DNMBP: variants seen among roughly 807,000 people sequenced by gnomAD.
DNMBP encodes dynamin-binding protein.
A neutral mutation model predicts 150.0 loss-of-function variants in DNMBP; 87 were observed. The ratio of observed to expected loss-of-function variants is 0.58; its 90% CI spans 0.49 to 0.69. The LOEUF is 0.69. Ranked by LOEUF, DNMBP falls within the 30% of genes least tolerant of loss-of-function variation. The pLI is 0.00. For synonymous variants in DNMBP, 711 were observed against 750.4 expected, an observed-to-expected ratio of 0.95 and a Z score of 0.86; for missense variants, 1,774 against 1,949.0, an observed-to-expected ratio of 0.91 and a Z score of 1.69.
intron 1 of DNMBP, among the ~76,000 whole-genome samples, chr10:99,993,603 A>G (rs1283850001): frequency 6.6e-6 from 1 of 152,144 alleles, no homozygotes; most frequent in Non-Finnish European, 1.5e-5. Context: ...GGAGTTCAAG[A>G]CCAGTCTGGG....
chr10:99,886,732 C>T, intron 12 of DNMBP, 100 bp from the exon 13 acceptor site: 1 of 1,132,962 alleles, frequency 8.8e-7, no homozygotes, highest in Non-Finnish European at 1.3e-6. Flanking sequence ...TCCTGAACCA[C>T]CTACTTCGTT....
chr10:99,911,069 C>T (rs994808587), intron 4 of DNMBP, among the ~76,000 whole-genome samples: 11 of 151,922 alleles, frequency 7.2e-5, no homozygotes, highest in African/African-American at 2.7e-4. Flanking sequence ...TGAAACCTCA[C>T]CTCTACAAAA....
At position 99,956,221 on chromosome 10, in the gene DNMBP, A is replaced by C. The variant is rs775272587; in HGVS notation, c.1253T>G (p.Val418Gly). ...TTTCTGCAAGTTGGGATGAAAAGGG[A>C]CCTGAGGTTGGGAGGAAATACCATT... ...VVNGISSQPQ[V>G]PFHPNLQKSQ... The change falls in exon 4 of 17, where the codon GTC (valine) becomes GGC (glycine). Residue 418 changes from valine (V) to glycine (G), a missense_variant. This residue lies in a region of DNMBP where 1,430 missense variants were observed against 1,492.5 expected (regional missense o/e 0.96). Transcript: ENST00000324109. The C allele has an allele frequency of 3.6e-5, 58 of 1,613,468 alleles. No homozygotes were observed. Among genetic ancestry groups the C allele is most frequent in the Non-Finnish European group, 4.7e-5 (55 of 1,179,960 alleles).
Position 99,970,349 on chromosome 10 carries a change from A to C in DNMBP, c.146-1112T>G, listed in dbSNP as rs114784463. 6.7e-3 allele frequency among the ~76,000 whole-genome samples: 1,013 copies of C among 152,280 alleles called. 11 individuals are homozygous for C. The highest frequency in any genetic ancestry group is 0.023 in the African/African-American group (969 of 41,558). ...TGCATGTGGTGTGGGAAAAGCTTCC[A>C]CCCTTCCCTAGGCTTATTAATGAAA... On this transcript the variant is annotated intron_variant, in intron 2 of 16. Transcript: ENST00000324109.
chr10:99,931,119 T>C (rs991760488), intron 4 of DNMBP: 1 of 196,336 alleles, frequency 5.1e-6, no homozygotes, highest in Non-Finnish European at 1.0e-5. Flanking sequence ...CCAAAGGTTT[T>C]GCAGGAAAAG....
intron 14 of DNMBP, 139 bp from the exon 15 acceptor site, chr10:99,884,348 G>A: frequency 1.3e-6 from 1 of 748,246 alleles, no homozygotes; most frequent in South Asian, 2.0e-5. Flanking sequence ...AGATGTTTTT[G>A]TGATGAAGCC....
intron 13 of DNMBP, 117 bp downstream of exon 13, chr10:99,886,183 C>T (rs544505090): frequency 1.3e-5 from 11 of 848,768 alleles, no homozygotes; most frequent in Admixed American, 2.8e-5. Flanking sequence ...GATGAACTAG[C>T]GACACATTCA....
chr10:100,000,118 T>G (rs1417949363), intron 1 of DNMBP, among the ~76,000 whole-genome samples: 1 of 152,240 alleles, frequency 6.6e-6, no homozygotes, highest in Non-Finnish European at 1.5e-5. Flanking sequence ...AAGGCATAAC[T>G]GTTCATCGTA....
chr10:99,966,050 C>T (rs906580305), intron 3 of DNMBP, among the ~76,000 whole-genome samples: 1 of 152,144 alleles, frequency 6.6e-6, no homozygotes, highest in African/African-American at 2.4e-5. Flanking sequence ...TGACTTGTCA[C>T]GTATACAAAA....
In DNMBP at chr10:99,955,761, A is replaced by G. The variant is rs752197359; in HGVS notation, c.1713T>C (p.Asp571=). 3 of 1,614,096 alleles carry G rather than the reference A, an allele frequency of 1.9e-6. No homozygotes were observed. The highest frequency in any genetic ancestry group is 1.7e-6 in the Non-Finnish European group (2 of 1,180,036). Residue 571 remains aspartate (D), a synonymous_variant, in exon 4 of 17, where the codon GAT becomes GAC. Transcript: ENST00000324109. ...TGATTGAAAAGTGGCGTAAAATTTT[A>G]TCTGGCTCTGTGCCGGGCCCTGCCA... ...KSLAGPGTEP[D]KILRHFSIMD...
At chr10:100,008,584 C>A (rs1480529096) in intron 1 of DNMBP, among the ~76,000 whole-genome samples, 3 of 152,302 alleles carry the variant, frequency 2.0e-5, no homozygotes, top group African/African-American at 7.2e-5. Context: ...ATTCGCTATG[C>A]CCCATTATGC....
At chr10:99,960,525 G>C (rs1257375904) in intron 3 of DNMBP, among the ~76,000 whole-genome samples, 1 of 152,122 alleles carries the variant, frequency 6.6e-6, no homozygotes, top group Non-Finnish European at 1.5e-5. Context: ...AAAAAATTAG[G>C]CCAGGTGCGG....
intron 15 of DNMBP, 129 bp from the exon 16 acceptor site, chr10:99,880,490 A>G: frequency 1.6e-6 from 2 of 1,282,104 alleles, no homozygotes; most frequent in East Asian, 5.1e-5. Context: ...CAAAAACTCA[A>G]AAGCCAGGCC....
intron 1 of DNMBP, among the ~76,000 whole-genome samples, chr10:99,978,381 A>T (rs1428457616): frequency 6.6e-6 from 1 of 152,218 alleles, no homozygotes; most frequent in East Asian, 1.9e-4. Flanking sequence ...CCTAGATTCT[A>T]GCATTAACAT....
chr10:99,977,544 C>T (rs1288055459), intron 1 of DNMBP, among the ~76,000 whole-genome samples: 1 of 152,126 alleles, frequency 6.6e-6, no homozygotes, highest in African/African-American at 2.4e-5. Flanking sequence ...TGCTGGTGAA[C>T]GCCTATCTTT....
At chr10:100,007,950 G>A (rs1285571262) in intron 1 of DNMBP, among the ~76,000 whole-genome samples, 1 of 152,236 alleles carries the variant, frequency 6.6e-6, no homozygotes, top group African/African-American at 2.4e-5. Context: ...GAAGTATTCT[G>A]AATGAATTCT....
At chr10:99,943,815 CG>C (rs1419346642) in intron 4 of DNMBP, among the ~76,000 whole-genome samples, 3 of 152,210 alleles carry the variant, frequency 2.0e-5, no homozygotes, top group African/African-American at 7.2e-5. Context: ...TAGAATATTA[CG>C]TATCACTTTA....
At chr10:99,914,688 A>G (rs2039941605) in intron 4 of DNMBP, among the ~76,000 whole-genome samples, 1 of 152,186 alleles carries the variant, frequency 6.6e-6, no homozygotes, top group African/African-American at 2.4e-5. Context: ...GCACACAACA[A>G]TATGCCACAA....
intron 4 of DNMBP, among the ~76,000 whole-genome samples, chr10:99,923,261 T>C (rs1419571973): frequency 1.3e-5 from 2 of 152,120 alleles, no homozygotes; most frequent in East Asian, 1.9e-4. Flanking sequence ...TGGTGGCACA[T>C]GCCTGTAATC....
Sources: allele counts gnomAD v4.1 joint callset (sites outside exome capture counted in the v4.1 genomes callset), GRCh38; gene constraint gnomAD v4.1.1; regional missense constraint gnomAD v4.1.1; transcripts MANE v1.5; gene names NCBI Gene and HGNC (gene_info 2026-07-23, HGNC 2026-07-21).